KAZN: variants seen among roughly 807,000 people sequenced by gnomAD.
KAZN encodes the protein kazrin, periplakin interacting protein, also known as kazrin.
Under a neutral mutation model 87.4 loss-of-function variants are expected in KAZN, and 40 were observed. The observed-to-expected ratio is 0.46, with a 90% CI of 0.36 to 0.60. The LOEUF (loss-of-function observed/expected upper bound fraction) is 0.60, where lower values mean the gene tolerates loss of function less well. KAZN is among the 20% of genes least tolerant of loss of function. The pLI is 0.00. For missense variants in KAZN, 898 were observed against 1,073.9 expected (o/e 0.84, Z 2.29); for synonymous variants, 466 against 458.3 (o/e 1.02, Z -0.22).
chr1:13,983,520 G>A (rs1638856217), intron 1 of KAZN, among the ~76,000 whole-genome samples: 1 of 152,186 alleles, frequency 6.6e-6, no homozygotes, highest in South Asian at 2.1e-4. Flanking sequence ...ACGGCACACA[G>A]CCCTGGTTCC....
chr1:13,945,347 G>C (rs991949593), intron 1 of KAZN, among the ~76,000 whole-genome samples: 1 of 152,006 alleles, frequency 6.6e-6, no homozygotes, highest in African/African-American at 2.4e-5. Context: ...GGTGGCCCAT[G>C]CCTGTAATCC....
intron 4 of KAZN, among the ~76,000 whole-genome samples, chr1:15,050,657 C>T (rs1447909947): frequency 6.6e-6 from 1 of 152,176 alleles, no homozygotes; most frequent in Non-Finnish European, 1.5e-5. Context: ...CCACCACCTT[C>T]TTGGACCATT....
At chr1:14,420,976 C>A (rs992503191) in intron 2 of KAZN, among the ~76,000 whole-genome samples, 2 of 151,644 alleles carry the variant, frequency 1.3e-5, no homozygotes, top group South Asian at 4.1e-4. Flanking sequence ...GAGGGGGCTC[C>A]CACAGTGCAG....
intron 2 of KAZN, among the ~76,000 whole-genome samples, chr1:14,319,196 G>T (rs941436500): frequency 1.3e-5 from 2 of 151,808 alleles, no homozygotes; most frequent in African/African-American, 2.4e-5. Flanking sequence ...GCTCTGTTCT[G>T]GGGGGTGGCA....
At chr1:14,829,522 A>G (rs1344622956) in intron 1 of KAZN, among the ~76,000 whole-genome samples, 2 of 152,114 alleles carry the variant, frequency 1.3e-5, no homozygotes, top group Non-Finnish European at 2.9e-5. Flanking sequence ...GTGAGCTATG[A>G]TTGTGCCGCT....
At chr1:14,832,475 G>C (rs1438226127) in intron 1 of KAZN, among the ~76,000 whole-genome samples, 1 of 152,100 alleles carries the variant, frequency 6.6e-6, no homozygotes, top group Non-Finnish European at 1.5e-5. Flanking sequence ...TCTTTGATTG[G>C]ATCAGTTTTG....
intron 1 of KAZN, among the ~76,000 whole-genome samples, chr1:14,641,704 T>TACC (rs1269288163): frequency 1.3e-5 from 2 of 152,206 alleles, no homozygotes; most frequent in East Asian, 3.8e-4. Flanking sequence ...CTTGGTCACA[T>TACC]ACCACCCTTC....
intron 13 of KAZN, among the ~76,000 whole-genome samples, chr1:15,106,876 T>C (rs560091133): frequency 1.3e-5 from 2 of 152,194 alleles, no homozygotes; most frequent in South Asian, 4.2e-4. Flanking sequence ...GACTGTTCTT[T>C]AAGGACCTGG....
chr1:13,916,706 C>T (rs895480151), intron 1 of KAZN, among the ~76,000 whole-genome samples: 1 of 152,140 alleles, frequency 6.6e-6, no homozygotes, highest in African/African-American at 2.4e-5. Flanking sequence ...TCAAGAGACC[C>T]TTCCTTCCTG....
At chr1:13,969,784 C>A (rs973402762) in intron 1 of KAZN, among the ~76,000 whole-genome samples, 2 of 152,182 alleles carry the variant, frequency 1.3e-5, no homozygotes, top group Admixed American at 6.5e-5. Context: ...GTGTGCCCAG[C>A]ACACACCACA....
rs181092720 is a variant in KAZN, at chr1:14,505,759, A to G, written c.250-93224A>G. The stretch of plus-strand genomic sequence containing the variant: ...GAGGCCGAGGTGGGTGGATTGCCTG[A>G]ACTCAGGAGTTTGCGACCAGCCTGG... On this transcript the variant is annotated intron_variant, in intron 2 of 16. Transcript: ENST00000636203. Among the ~76,000 whole-genome samples the G allele has an allele frequency of 3.2e-3, 484 of 152,306 alleles. 1 individual carries two copies. The highest frequency in any genetic ancestry group is 0.011 in the African/African-American group (468 of 41,560).
At chr1:14,926,471 T>C (rs567482086) in intron 1 of KAZN, among the ~76,000 whole-genome samples, 9 of 152,202 alleles carry the variant, frequency 5.9e-5, no homozygotes, top group Non-Finnish European at 1.3e-4. Context: ...TGGAAAACTC[T>C]TTTCCCAGTT....
intron 12 of KAZN, among the ~76,000 whole-genome samples, chr1:15,103,740 G>T (rs909756621): frequency 1.3e-5 from 2 of 152,160 alleles, no homozygotes; most frequent in African/African-American, 4.8e-5. Context: ...ATGGGGTAGA[G>T]AGGCTGAGCC....
rs1316981390 is a variant in KAZN, at chr1:14,321,671, A to G, written c.249+141079A>G. On this transcript the variant is annotated intron_variant, in intron 2 of 16. Coordinates refer to the KAZN transcript ENST00000636203. ...AAAGCATCATTCATTTCCTATTACCATTGACCCCCAGAGAGTTTCACTCAG... is the reference window on the plus strand; with the variant it reads ...AAAGCATCATTCATTTCCTATTACCGTTGACCCCCAGAGAGTTTCACTCAG... 5.9e-5 allele frequency among the ~76,000 whole-genome samples: 9 copies of G among 152,184 alleles called. No individual in the cohort carries two copies. The East Asian group carries it at 1.7e-3, about 29-fold the overall frequency.
chr1:14,701,758 C>T (rs1160546841), intron 1 of KAZN, among the ~76,000 whole-genome samples: 2 of 152,186 alleles, frequency 1.3e-5, no homozygotes, highest in Non-Finnish European at 2.9e-5. Context: ...GATTGCGCCA[C>T]TGCATTCCAG....
intron 1 of KAZN, among the ~76,000 whole-genome samples, chr1:14,779,713 AT>A (rs1485396774): frequency 6.6e-6 from 1 of 151,852 alleles, no homozygotes; most frequent in East Asian, 1.9e-4. Flanking sequence ...TGGCTTTGTT[AT>A]TTTTTTCCTG....
intron 1 of KAZN, among the ~76,000 whole-genome samples, chr1:14,075,379 T>C (rs1643411189): frequency 6.6e-6 from 1 of 152,206 alleles, no homozygotes; most frequent in Non-Finnish European, 1.5e-5. Flanking sequence ...TTATTTCTCC[T>C]GTGGATCACC....
chr1:14,147,172 TATC>T (rs1645371556), intron 1 of KAZN, among the ~76,000 whole-genome samples: 1 of 152,250 alleles, frequency 6.6e-6, no homozygotes, highest in African/African-American at 2.4e-5. Flanking sequence ...ATATTTATGT[TATC>T]ATTAATAAAT....
At chr1:14,258,329 C>T (rs1650728249) in intron 2 of KAZN, among the ~76,000 whole-genome samples, 1 of 150,984 alleles carries the variant, frequency 6.6e-6, no homozygotes, top group Non-Finnish European at 1.5e-5. Context: ...CATTCTCCTG[C>T]CTCAGCCTCC....
Sources: gnomAD v4.1 joint callset for allele counts (sites outside exome capture counted in the v4.1 genomes callset) on GRCh38, gnomAD v4.1.1 for gene constraint, MANE v1.5 for transcripts, NCBI Gene and HGNC (gene_info 2026-07-23, HGNC 2026-07-21) for gene names.